The following ROCK1 variants were observed in gnomAD, a reference collection of about 807,000 sequenced individuals.
ROCK1 encodes the protein rho-associated protein kinase 1.
In ROCK1, 36 loss-of-function variants were observed where a neutral mutation model predicts 196.8. That is an observed-to-expected ratio of 0.18 (90% CI 0.14 to 0.24). ROCK1 has a LOEUF of 0.24. ROCK1 is among the 10% of genes least tolerant of loss of function. The pLI, the probability that ROCK1 is intolerant of heterozygous loss-of-function variation, is 1.00. For synonymous variants in ROCK1, 443 were observed against 515.9 expected (o/e 0.86, Z 1.91); for missense variants, 920 against 1,562.0 (o/e 0.59, Z 6.93).
At chr18:21,069,160 T>TA (rs1337362726) in intron 2 of ROCK1, among the ~76,000 whole-genome samples, 1 of 152,136 alleles carries the variant, frequency 6.6e-6, no homozygotes, top group Non-Finnish European at 1.5e-5. Flanking sequence ...ACAGATATTT[T>TA]AAAATTGTGA....
At chr18:21,069,896 A>T (rs1244098834) in intron 2 of ROCK1, among the ~76,000 whole-genome samples, 1 of 152,050 alleles carries the variant, frequency 6.6e-6, no homozygotes, top group Non-Finnish European at 1.5e-5. Flanking sequence ...TCATAAAATT[A>T]AAAAATTCTA....
At chr18:21,061,529 C>T (rs1275239784) in intron 2 of ROCK1, among the ~76,000 whole-genome samples, 3 of 152,050 alleles carry the variant, frequency 2.0e-5, no homozygotes, top group Admixed American at 1.3e-4. Flanking sequence ...GGAACTGTTC[C>T]GAATGGTATT....
intron 20 of ROCK1, among the ~76,000 whole-genome samples, chr18:20,984,005 G>GA (rs1437535572): frequency 1.3e-5 from 2 of 152,134 alleles, no homozygotes; most frequent in Non-Finnish European, 2.9e-5. Flanking sequence ...TGCATTTTGA[G>GA]ATGAACCAAA....
At position 21,020,138 on chromosome 18, in the gene ROCK1, A is replaced by G; in HGVS notation, c.1361+13T>C. 6.5e-7 allele frequency: 1 copy of G among 1,529,240 alleles called. No homozygotes were observed. The highest frequency in any genetic ancestry group is 1.2e-5 in the South Asian group (1 of 86,432). 94.7% of individuals were successfully genotyped at this position (1,529,240 alleles called of 1,614,324 possible). A position where few individuals can be genotyped will look rare whatever the true frequency, so the allele number is the denominator to read the frequency against. ...AAAACTTTTAATATGAAAAACTTAA[A>G]GTATATTCTCACCTGCACTTCTGCT... On this transcript the variant is annotated intron_variant, in intron 12 of 32. Transcript: ENST00000399799.
At chr18:20,955,085 T>C (rs1253590047) in intron 30 of ROCK1, 41 bp from the exon 31 acceptor site, 1 of 1,535,402 alleles carries the variant, frequency 6.5e-7, no homozygotes, top group Non-Finnish European at 8.7e-7. Flanking sequence ...TTTAAAAATC[T>C]TAAGCATTGG....
At chr18:20,969,333 G>A in intron 23 of ROCK1, 125 bp from the exon 24 acceptor site, 1 of 539,872 alleles carries the variant, frequency 1.9e-6, no homozygotes, top group Non-Finnish European at 3.2e-6. Context: ...GCAAATGTCT[G>A]GTTTCCAGCT....
Position 21,031,086 on chromosome 18 carries a change from A to G in ROCK1, c.1052-2151T>C, listed in dbSNP as rs749392298. On this transcript the variant is annotated intron_variant, in intron 9 of 32. Transcript: ENST00000399799. The stretch of plus-strand genomic sequence containing the variant: ...TACAGATTTTGCAAAATTAGTTTGG[A>G]AAAGTCACTAAATGAATGAATGACT... Among the ~76,000 whole-genome samples the G allele has an allele frequency of 7.2e-5, 11 of 152,206 alleles. 1 individual carries two copies. Among genetic ancestry groups the G allele is most frequent in the Non-Finnish European group, 1.3e-4 (9 of 68,026 alleles).
At chr18:20,975,031 T>G (rs1376047992) in intron 22 of ROCK1, among the ~76,000 whole-genome samples, 4 of 152,226 alleles carry the variant, frequency 2.6e-5, no homozygotes, top group Non-Finnish European at 5.9e-5. Flanking sequence ...TTGTAGGTGC[T>G]AGACATACAG....
intron 26 of ROCK1, 68 bp from the exon 27 acceptor site, chr18:20,967,144 A>G (rs2035381727): frequency 1.8e-6 from 2 of 1,098,208 alleles, no homozygotes; most frequent in Non-Finnish European, 2.7e-6. Flanking sequence ...TAATTGAAAT[A>G]TGATAATTTA....
At position 21,111,079 on chromosome 18, in the gene ROCK1, C is replaced by T; in HGVS notation, c.-169G>A. 1 of 607,982 alleles carries T rather than the reference C, an allele frequency of 1.6e-6. No individual in the cohort carries two copies. 37.7% of individuals were successfully genotyped at this position (607,982 alleles called of 1,614,324 possible). ...TCCCCTCACTGAGGGGACCTCCGCTCTCCAGACCCCGGGCCGGGGGCAACA... is the reference window on the plus strand; with the variant it reads ...TCCCCTCACTGAGGGGACCTCCGCTTTCCAGACCCCGGGCCGGGGGCAACA... On this transcript the variant is annotated 5_prime_UTR_variant, in exon 1 of 33. Coordinates refer to ENST00000399799, the MANE Select transcript of ROCK1 (RefSeq NM_005406.3). This position sits in a 1 kb window ranked among gnomAD's most constrained non-coding sequence, Gnocchi z 4.2.
At chr18:21,015,565 TTAACTAGAGTTTTG>T (rs1219894617) in intron 12 of ROCK1, 86 bp from the exon 13 acceptor site, 2 of 842,864 alleles carry the variant, frequency 2.4e-6, no homozygotes, top group Admixed American at 4.8e-5. Context: ...ACTTTTCCAC[TTAACTAGAGTTTTG>T]TATCCTTTCT....
chr18:21,081,391 A>G (rs1232661970), intron 1 of ROCK1, among the ~76,000 whole-genome samples: 2 of 152,184 alleles, frequency 1.3e-5, no homozygotes, highest in African/African-American at 4.8e-5. Context: ...ATAGCTATAA[A>G]TGCTTACATT....
At chr18:20,977,838 C>G (rs2035494551) in intron 22 of ROCK1, among the ~76,000 whole-genome samples, 1 of 152,128 alleles carries the variant, frequency 6.6e-6, no homozygotes, top group Admixed American at 6.5e-5. Flanking sequence ...ACTGTGAATA[C>G]CACACAAATG....
chr18:21,039,406 T>A (rs2143498755), intron 9 of ROCK1, 66 bp downstream of exon 9: 2 of 1,154,074 alleles, frequency 1.7e-6, no homozygotes, highest in Non-Finnish European at 1.3e-6. Flanking sequence ...AGCAATGTAG[T>A]TTCAACAAAC....
intron 2 of ROCK1, among the ~76,000 whole-genome samples, chr18:21,056,502 T>C (rs574829534): frequency 7.2e-5 from 11 of 152,284 alleles, no homozygotes; most frequent in African/African-American, 2.4e-4. Context: ...TGTAATCTGA[T>C]AGCTTCTCAC....
At chr18:20,989,707 A>T (rs1487329095) in intron 18 of ROCK1, among the ~76,000 whole-genome samples, 1 of 152,174 alleles carries the variant, frequency 6.6e-6, no homozygotes, top group African/African-American at 2.4e-5. Flanking sequence ...AGAGAAAAGA[A>T]GTTAAGATGA....
chr18:21,037,720 G>A (rs1199658475), intron 9 of ROCK1, among the ~76,000 whole-genome samples: 2 of 152,098 alleles, frequency 1.3e-5, no homozygotes, highest in African/African-American at 4.8e-5. Context: ...TTTTATGAAG[G>A]AGGTACAGCA....
At chr18:21,108,459 C>T (rs1378563253) in intron 1 of ROCK1, among the ~76,000 whole-genome samples, 1 of 152,210 alleles carries the variant, frequency 6.6e-6, no homozygotes, top group Non-Finnish European at 1.5e-5. Flanking sequence ...CAACAGTCTA[C>T]AGGTCATTTT....
At chr18:21,057,986 AGAGT>A (rs2036258225) in intron 2 of ROCK1, among the ~76,000 whole-genome samples, 2 of 152,234 alleles carry the variant, frequency 1.3e-5, no homozygotes, top group South Asian at 2.1e-4. Flanking sequence ...TCATATACAT[AGAGT>A]ATTAGGTAAC....
Sources: gnomAD v4.1 joint callset for allele counts (sites outside exome capture counted in the v4.1 genomes callset) on GRCh38, gnomAD v4.1.1 for gene constraint, Gnocchi (gnomAD v3.1) non-coding constraint, MANE v1.5 for transcripts, NCBI Gene and HGNC (gene_info 2026-07-23, HGNC 2026-07-21) for gene names.